The following STK32B variants were observed in gnomAD, a reference collection of about 807,000 sequenced individuals.
The protein encoded by STK32B is serine/threonine kinase 32B.
In STK32B, 43 loss-of-function variants were observed where a neutral mutation model predicts 52.6. The ratio of observed to expected loss-of-function variants is 0.82; its 90% CI spans 0.64 to 1.05. STK32B has a LOEUF of 1.05. STK32B is among the 50% of genes least tolerant of loss of function. The pLI is 0.00. For synonymous variants in STK32B, 238 were observed against 204.3 expected (o/e 1.17, Z -1.41); for missense variants, 621 against 534.6 (o/e 1.16, Z -1.59).
At chr4:5,312,503 GT>G (rs778120123) in intron 3 of STK32B, among the ~76,000 whole-genome samples, 18 of 147,722 alleles carry the variant, frequency 1.2e-4, no homozygotes, top group Non-Finnish European at 2.4e-4. Context: ...TGTTCTCATT[GT>G]TCAATTCCCA....
At chr4:5,196,395 A>G (rs13107628) in intron 3 of STK32B, among the ~76,000 whole-genome samples, 7,030 of 129,126 alleles carry the variant, frequency 0.054, 249 homozygotes, top group South Asian at 0.12. Flanking sequence ...TTTGTTCTGA[A>G]CGTATGTAAA....
chr4:5,288,391 CACCT>C (rs1728681848), intron 3 of STK32B, among the ~76,000 whole-genome samples: 1 of 152,124 alleles, frequency 6.6e-6, no homozygotes, highest in Non-Finnish European at 1.5e-5. Flanking sequence ...ATCCTATGTG[CACCT>C]GTGTTATTGT....
intron 6 of STK32B, among the ~76,000 whole-genome samples, chr4:5,421,238 C>T (rs896696490): frequency 8.6e-5 from 13 of 151,664 alleles, no homozygotes; most frequent in Admixed American, 3.9e-4. Context: ...TACAGGCACC[C>T]GCCACCACGC....
chr4:5,414,833 G>A (rs1577465597), intron 5 of STK32B, among the ~76,000 whole-genome samples: 1 of 152,130 alleles, frequency 6.6e-6, no homozygotes. Flanking sequence ...CCAAAAACAT[G>A]TCTGTATTCT....
chr4:5,429,564 T>A (rs200926917), intron 6 of STK32B, among the ~76,000 whole-genome samples: 4 of 151,560 alleles, frequency 2.6e-5, no homozygotes, highest in African/African-American at 4.8e-5. Context: ...TATAAATATA[T>A]GTCATTGAAT....
Position 5,359,213 on chromosome 4 carries a change from T to C in STK32B, c.434+27820T>C, listed in dbSNP as rs1734382795. Among the ~76,000 whole-genome samples, 3 of 152,142 alleles carry C rather than the reference T, an allele frequency of 2.0e-5. 1 individual carries two copies. The highest frequency in any genetic ancestry group is 1.3e-4 in the Admixed American group (2 of 15,280). On this transcript the variant is annotated intron_variant, in intron 4 of 11. Coordinates refer to ENST00000282908, the MANE Select transcript of STK32B (RefSeq NM_018401.3). Reference sequence around the variant, plus strand: ...GGAAAATGGTGTATTTTTCCATATTTATAGGTTGGTGATACTACCCATGGA... The same window carrying C: ...GGAAAATGGTGTATTTTTCCATATTCATAGGTTGGTGATACTACCCATGGA...
rs1717699470 is a variant in STK32B, at chr4:5,469,577, C to G, written c.1106+1507C>G. Among the ~76,000 whole-genome samples, 1 of 152,200 alleles carries G rather than the reference C, an allele frequency of 6.6e-6. No individual in the cohort carries two copies. On this transcript the variant is annotated intron_variant, in intron 11 of 11. Coordinates refer to ENST00000282908, the MANE Select transcript of STK32B (RefSeq NM_018401.3). This position sits in a 1 kb window ranked among gnomAD's most constrained non-coding sequence, Gnocchi z 4.7. ...TCCAGCCATGGGCCAGTGGGCAGGA[C>G]AGGGCCCCAGTCCCAGTCGATGCTG...
chr4:5,131,679 G>GTT (rs1715785794), intron 1 of STK32B, among the ~76,000 whole-genome samples: 1 of 152,152 alleles, frequency 6.6e-6, no homozygotes, highest in Non-Finnish European at 1.5e-5. Flanking sequence ...TGCACATGCT[G>GTT]TTCTCTCTGC....
intron 9 of STK32B, 55 bp from the exon 10 acceptor site, chr4:5,466,648 T>C: frequency 6.5e-7 from 1 of 1,545,792 alleles, no homozygotes; most frequent in South Asian, 1.2e-5. Context: ...GAAAAGAAAA[T>C]TCAGTGATGG....
intron 4 of STK32B, among the ~76,000 whole-genome samples, chr4:5,385,735 C>G (rs1736204873): frequency 6.6e-6 from 1 of 152,040 alleles, no homozygotes; most frequent in African/African-American, 2.4e-5. Context: ...CCTCATGGAA[C>G]CTACACAGCC....
At chr4:5,247,295 A>T (rs878995607) in intron 3 of STK32B, among the ~76,000 whole-genome samples, 5 of 152,188 alleles carry the variant, frequency 3.3e-5, no homozygotes, top group Admixed American at 3.3e-4. Flanking sequence ...CCCCAGCCTC[A>T]CTGCTGCCTT....
At chr4:5,110,716 C>G (rs1714359547) in intron 1 of STK32B, among the ~76,000 whole-genome samples, 1 of 151,912 alleles carries the variant, frequency 6.6e-6, no homozygotes, top group Non-Finnish European at 1.5e-5. Flanking sequence ...TAATTTATGA[C>G]AAAGACCTCA....
At chr4:5,451,515 T>C (rs1433537857) in intron 7 of STK32B, among the ~76,000 whole-genome samples, 1 of 152,080 alleles carries the variant, frequency 6.6e-6, no homozygotes, top group Non-Finnish European at 1.5e-5. Context: ...TATGTCTGGG[T>C]TCAAATCCTG....
At chr4:5,149,441 A>G (rs946845210) in intron 2 of STK32B, among the ~76,000 whole-genome samples, 2 of 151,782 alleles carry the variant, frequency 1.3e-5, no homozygotes, top group Admixed American at 1.3e-4. Context: ...GATTAGTTGA[A>G]TATTTAAAAC....
intron 3 of STK32B, among the ~76,000 whole-genome samples, chr4:5,233,648 A>C (rs564418356): frequency 2.0e-5 from 3 of 151,512 alleles, no homozygotes; most frequent in Admixed American, 6.6e-5. Flanking sequence ...AGTGAAGGAG[A>C]GAAGTTATTA....
intron 5 of STK32B, among the ~76,000 whole-genome samples, chr4:5,402,619 C>A (rs1560384111): frequency 1.3e-5 from 2 of 151,590 alleles, no homozygotes; most frequent in Non-Finnish European, 2.9e-5. Flanking sequence ...GTCCTGGTGG[C>A]ACATCACCTG....
At chr4:5,407,005 C>T (rs1047035479) in intron 5 of STK32B, among the ~76,000 whole-genome samples, 4 of 152,116 alleles carry the variant, frequency 2.6e-5, no homozygotes, top group Non-Finnish European at 5.9e-5. Context: ...TTCTGCTTCC[C>T]ATTTACATAT....
At chr4:5,131,398 T>C (rs1257948617) in intron 1 of STK32B, among the ~76,000 whole-genome samples, 2 of 152,196 alleles carry the variant, frequency 1.3e-5, no homozygotes, top group Admixed American at 6.5e-5. Flanking sequence ...GATGCTTTGA[T>C]TGAAGTTTGA....
At chr4:5,174,292 C>T (rs1719637851) in intron 3 of STK32B, among the ~76,000 whole-genome samples, 2 of 152,118 alleles carry the variant, frequency 1.3e-5, no homozygotes, top group Non-Finnish European at 1.5e-5. Context: ...GAGCATTTAG[C>T]CCATTTACAT....
Sources: allele counts gnomAD v4.1 joint callset (sites outside exome capture counted in the v4.1 genomes callset), GRCh38; gene constraint gnomAD v4.1.1; non-coding constraint Gnocchi (gnomAD v3.1); transcripts MANE v1.5; gene names NCBI Gene and HGNC (gene_info 2026-07-23, HGNC 2026-07-21).